Variants in SIM1 observed in about 807,000 individuals in gnomAD.
The protein encoded by SIM1 is single-minded homolog 1.
SIM1 carries 18 observed loss-of-function variants against 78.2 expected under a neutral mutation model. The observed-to-expected ratio is 0.23, with a 90% confidence interval of 0.16 to 0.34. The LOEUF (loss-of-function observed/expected upper bound fraction) is 0.34. Ranked by LOEUF, SIM1 falls within the 10% of genes least tolerant of loss-of-function variation. The pLI is 1.00. For synonymous variants in SIM1, 417 were observed against 385.2 expected (o/e 1.08, Z -0.97); for missense variants, 939 against 975.1 (o/e 0.96, Z 0.49).
rs35003436 is a variant in SIM1, at chr6:100,453,644, T to TGG, written c.258+116_258+117dup. ...CGTGCAGTCCGGATCCCTGTTTTTG[T>TGG]GGGGGGGGTTGTTTGTTTTTTTTTT... On this transcript the variant is annotated intron_variant, in intron 3 of 11. Coordinates refer to ENST00000369208, the MANE Select transcript of SIM1 (RefSeq NM_005068.3). 1.8e-3 allele frequency: 1,200 copies of TGG among 682,650 alleles called. 4 individuals are homozygous for TGG. The highest frequency in any genetic ancestry group is 5.0e-3 in the Admixed American group (173 of 34,908). 42.3% of individuals were successfully genotyped at this position (682,650 alleles called of 1,614,324 possible). A position where few individuals can be genotyped will look rare whatever the true frequency, so the allele number is the denominator to read the frequency against.
chr6:100,444,770 C>G (rs1772312622), intron 9 of SIM1, among the ~76,000 whole-genome samples: 1 of 152,030 alleles, frequency 6.6e-6, no homozygotes, highest in Non-Finnish European at 1.5e-5. Flanking sequence ...ATTTTAACTT[C>G]AGCAATAAAT....
chr6:100,415,556 A>C (rs1029515349), intron 10 of SIM1, among the ~76,000 whole-genome samples: 11 of 152,214 alleles, frequency 7.2e-5, no homozygotes, highest in Non-Finnish European at 4.4e-5. Context: ...TGTCCCAAGT[A>C]ATACCTTTGT....
intron 2 of SIM1, among the ~76,000 whole-genome samples, chr6:100,458,720 G>A (rs1332883777): frequency 6.6e-6 from 1 of 152,080 alleles, no homozygotes; most frequent in African/African-American, 2.4e-5. Flanking sequence ...GGCGCGACGG[G>A]GACCTCGACA....
At chr6:100,445,683 G>A (rs1342535383) in intron 9 of SIM1, among the ~76,000 whole-genome samples, 1 of 152,150 alleles carries the variant, frequency 6.6e-6, no homozygotes, top group Non-Finnish European at 1.5e-5. Context: ...ATACCCTGCT[G>A]TTTGATAAAA....
intron 9 of SIM1, among the ~76,000 whole-genome samples, chr6:100,428,990 A>G (rs1298601009): frequency 6.6e-6 from 1 of 152,190 alleles, no homozygotes; most frequent in Non-Finnish European, 1.5e-5. Flanking sequence ...AACCACAGAA[A>G]GCAAAACTGT....
intron 10 of SIM1, among the ~76,000 whole-genome samples, chr6:100,416,470 A>G (rs1302155944): frequency 1.3e-5 from 2 of 152,202 alleles, no homozygotes; most frequent in Non-Finnish European, 2.9e-5. Flanking sequence ...GGCACAAGAC[A>G]TTACCCTATG....
intron 4 of SIM1, 65 bp downstream of exon 4, chr6:100,450,202 C>G (rs45493597): frequency 7.1e-7 from 1 of 1,406,136 alleles, no homozygotes; most frequent in Non-Finnish European, 1.0e-6. Context: ...CAACCCAGCC[C>G]CCTACCCCTG....
At chr6:100,448,407 C>T (rs973397881) in intron 7 of SIM1, 72 bp downstream of exon 7, 2 of 1,510,360 alleles carry the variant, frequency 1.3e-6, no homozygotes, top group African/African-American at 1.4e-5. Flanking sequence ...ATAGGATAGA[C>T]GGAAATCTCT....
chr6:100,410,338 C>T (rs1245460841), intron 10 of SIM1, among the ~76,000 whole-genome samples: 2 of 152,216 alleles, frequency 1.3e-5, no homozygotes, highest in African/African-American at 4.8e-5. Context: ...CAAATTGCAG[C>T]ATCACTTCCA....
chr6:100,417,338 T>C (rs767051507), intron 10 of SIM1, among the ~76,000 whole-genome samples: 3 of 152,206 alleles, frequency 2.0e-5, no homozygotes, highest in African/African-American at 7.2e-5. Context: ...TATGACTTCA[T>C]CTGTACTGCG....
chr6:100,432,338 C>G (rs1026755352), intron 9 of SIM1, among the ~76,000 whole-genome samples: 4 of 152,026 alleles, frequency 2.6e-5, no homozygotes, highest in Non-Finnish European at 4.4e-5. Context: ...GGGTTGAGCC[C>G]AACGATTTGC....
At chr6:100,435,641 T>C (rs1046137951) in intron 9 of SIM1, among the ~76,000 whole-genome samples, 4 of 152,128 alleles carry the variant, frequency 2.6e-5, no homozygotes, top group African/African-American at 4.8e-5. Context: ...TTACCTCTTA[T>C]AAAAGAAAAA....
intron 2 of SIM1, among the ~76,000 whole-genome samples, chr6:100,457,974 G>A (rs936512502): frequency 6.7e-6 from 1 of 150,252 alleles, no homozygotes; most frequent in African/African-American, 2.5e-5. Flanking sequence ...TGGGGTGGAG[G>A]CCGAAGGTCA....
intron 10 of SIM1, among the ~76,000 whole-genome samples, chr6:100,398,933 T>TTG (rs370296648): frequency 0.11 from 16,870 of 146,942 alleles, 916 homozygotes; most frequent in Middle Eastern, 0.18. Flanking sequence ...ACACTTGTTA[T>TTG]TGTGTGTGTG....
chr6:100,390,373 G>A lies in SIM1; in HGVS notation c.2289C>T (p.Thr763=). The change falls in exon 12 of 12, where the codon ACC becomes ACT. Residue 763 remains threonine, a synonymous_variant. Coordinates refer to ENST00000369208, the MANE Select transcript of SIM1 (RefSeq NM_005068.3). ...TTTCAGCAAAACATCAGCTTCCGTT[G>A]GTTATTATAACAGATGTTCCCTTGT... ...QGHKGTSVII[T]NGS The A allele has an allele frequency of 6.2e-7, 1 of 1,611,830 alleles. No homozygotes were observed. Among genetic ancestry groups the A allele is most frequent in the Non-Finnish European group, 8.5e-7 (1 of 1,178,892 alleles).
intron 2 of SIM1, among the ~76,000 whole-genome samples, chr6:100,457,138 A>G (rs967704800): frequency 6.6e-6 from 1 of 152,234 alleles, no homozygotes; most frequent in Non-Finnish European, 1.5e-5. Context: ...GACAAAATAT[A>G]TATTACAGAC....
chr6:100,432,685 G>C (rs1771934153), intron 9 of SIM1, among the ~76,000 whole-genome samples: 1 of 152,064 alleles, frequency 6.6e-6, no homozygotes, highest in African/African-American at 2.4e-5. Flanking sequence ...TAGTCTTCAG[G>C]ATGCTTCTTT....
At chr6:100,410,736 A>C (rs1252502383) in intron 10 of SIM1, among the ~76,000 whole-genome samples, 10 of 152,152 alleles carry the variant, frequency 6.6e-5, no homozygotes, top group Non-Finnish European at 1.3e-4. Flanking sequence ...ATTTAAGCAG[A>C]TAAAGTAAGG....
intron 9 of SIM1, among the ~76,000 whole-genome samples, chr6:100,426,807 A>G (rs1158767497): frequency 3.9e-5 from 6 of 152,130 alleles, no homozygotes; most frequent in Admixed American, 3.3e-4. Context: ...TGTCATGTCA[A>G]TTTGGAGTCT....
Sources: allele counts gnomAD v4.1 joint callset (sites outside exome capture counted in the v4.1 genomes callset), GRCh38; gene constraint gnomAD v4.1.1; transcripts MANE v1.5; gene names NCBI Gene and HGNC (gene_info 2026-07-23, HGNC 2026-07-21).